SRFBP1: variants seen among roughly 807,000 people sequenced by gnomAD.
SRFBP1 encodes the protein serum response factor binding protein 1, also known as serum response factor-binding protein 1.
A neutral mutation model predicts 45.5 loss-of-function variants in SRFBP1; 47 were observed. That is an observed-to-expected ratio of 1.03 (90% confidence interval 0.82 to 1.32). The LOEUF is 1.32. Among genes scored for constraint, SRFBP1 ranks in the 40% most tolerant of loss-of-function variants. The pLI is 0.00. For synonymous variants in SRFBP1, 203 were observed against 166.3 expected, an observed-to-expected ratio of 1.22 and a Z score of -1.70; for missense variants, 621 against 484.6, an observed-to-expected ratio of 1.28 and a Z score of -2.64.
Position 122,020,737 on chromosome 5 carries a change from T to C in SRFBP1, c.1002T>C (p.Ser334=), listed in dbSNP as rs1257929649. ...CAAGAAATGACAAAATCAAGCCAAG[T>C]ACAGAAACCAGAAAGTTAGAATCAG... ...GDTRNDKIKP[S]TETRKLESVF... Residue 334 remains serine, a synonymous_variant, in exon 6 of 8, where the codon AGT becomes AGC. Coordinates refer to ENST00000339397, the MANE Select transcript of SRFBP1 (RefSeq NM_152546.3). 1 of 1,607,018 alleles carries C rather than the reference T, an allele frequency of 6.2e-7. No individual in the cohort carries two copies. The highest frequency in any genetic ancestry group is 8.5e-7 in the Non-Finnish European group (1 of 1,178,262).
At chr5:122,050,579 A>G (rs1448561408) in intron 2 of SRFBP1, among the ~76,000 whole-genome samples, 1 of 151,732 alleles carries the variant, frequency 6.6e-6, no homozygotes, top group African/African-American at 2.4e-5. Context: ...GTTTGTTTGT[A>G]TTTCTGTGGG....
intron 1 of SRFBP1, among the ~76,000 whole-genome samples, chr5:121,966,153 C>T (rs1320669637): frequency 6.6e-6 from 1 of 152,208 alleles, no homozygotes; most frequent in Non-Finnish European, 1.5e-5. Flanking sequence ...TTGACTTCCT[C>T]TCTTCCTATT....
intron 3 of SRFBP1, among the ~76,000 whole-genome samples, chr5:121,988,322 G>T (rs930387552): frequency 1.3e-5 from 2 of 152,094 alleles, no homozygotes; most frequent in African/African-American, 4.8e-5. Context: ...AGTGGGTCAG[G>T]AGTCCCCAAG....
At chr5:121,984,155 G>A (rs1459460610) in intron 3 of SRFBP1, among the ~76,000 whole-genome samples, 1 of 151,800 alleles carries the variant, frequency 6.6e-6, no homozygotes, top group Non-Finnish European at 1.5e-5. Flanking sequence ...CTAAAGTAGT[G>A]ATTTTATTGG....
At chr5:121,963,501 G>C (rs544348959) in intron 1 of SRFBP1, among the ~76,000 whole-genome samples, 33 of 152,228 alleles carry the variant, frequency 2.2e-4, no homozygotes, top group African/African-American at 7.5e-4. Context: ...GGAAATGACA[G>C]GGGATGAGTC....
intron 3 of SRFBP1, among the ~76,000 whole-genome samples, chr5:121,988,075 A>C (rs967361529): frequency 3.9e-5 from 6 of 152,240 alleles, no homozygotes; most frequent in African/African-American, 1.4e-4. Flanking sequence ...GAATAAGAGA[A>C]CTAGAATAAT....
chr5:122,026,889 C>A, intron 7 of SRFBP1, 53 bp from the exon 8 acceptor site: 1 of 1,199,348 alleles, frequency 8.3e-7, no homozygotes, highest in South Asian at 1.9e-5. Context: ...ATTTACTTCT[C>A]CTATATGCTC....
chr5:122,041,840 C>G lies in SRFBP1; in HGVS notation n.311+19433C>G, dbSNP rs939989630. Among the ~76,000 whole-genome samples, 2 of 152,110 alleles carry G rather than the reference C, an allele frequency of 1.3e-5. 1 individual carries two copies. Among genetic ancestry groups the G allele is most frequent in the Non-Finnish European group, 2.9e-5 (2 of 68,012 alleles). ...AGAATTGCTAGTACCTCCAGTAAAA[C>G]ATACAATAATAGCAATGATATTAGA... On this transcript the variant is annotated intron_variant and non_coding_transcript_variant, in intron 2 of 2. Transcript: ENST00000504881.
At chr5:122,001,570 T>TTTTA (rs1554086211) in intron 4 of SRFBP1, among the ~76,000 whole-genome samples, 1 of 142,878 alleles carries the variant, frequency 7.0e-6, no homozygotes, top group African/African-American at 2.6e-5. Context: ...TTTTTTTTTT[T>TTTTA]TTGAGACGGA....
rs1191444026 is a variant in SRFBP1, at chr5:121,975,440, C to A, written c.198+53C>A. 6 of 1,595,628 alleles carry A rather than the reference C, an allele frequency of 3.8e-6. No homozygotes were observed. The African/African-American group carries it at 8.1e-5, about 21-fold the overall frequency. ...TGTATGTTTCTGAGTATCCTGTTAT[C>A]CTGCATTTTGTTTGTGTGTGGTATT... On this transcript the variant is annotated intron_variant, in intron 3 of 7. Transcript: ENST00000339397.
exon 3 of SRFBP1, chr5:122,075,316 T>C: frequency 8.1e-7 from 1 of 1,240,498 alleles, no homozygotes; most frequent in Non-Finnish European, 1.1e-6. Flanking sequence ...TCCCTTCAGG[T>C]AAGAAATAAG....
rs114324165 is a variant in SRFBP1, at chr5:121,980,182, T to A, written c.198+4795T>A. ...AGCCTTTCTTTTGTGTTTCATAATCTCTAATAATACTGTATTTATACTTTT... is the reference window on the plus strand; with the variant it reads ...AGCCTTTCTTTTGTGTTTCATAATCACTAATAATACTGTATTTATACTTTT... On this transcript the variant is annotated intron_variant, in intron 3 of 7. Transcript: ENST00000339397. 5.0e-3 allele frequency among the ~76,000 whole-genome samples: 762 copies of A among 152,310 alleles called. 10 individuals carry two copies. The highest frequency in any genetic ancestry group is 0.017 in the African/African-American group (719 of 41,576).
intron 2 of SRFBP1, among the ~76,000 whole-genome samples, chr5:122,038,342 A>C (rs1389818642): frequency 2.6e-5 from 4 of 152,178 alleles, no homozygotes; most frequent in Non-Finnish European, 5.9e-5. Flanking sequence ...AGGGCTAAAA[A>C]ACGAGATTCA....
intron 2 of SRFBP1, among the ~76,000 whole-genome samples, chr5:122,033,859 C>T (rs1753632470): frequency 4.2e-5 from 5 of 118,206 alleles, no homozygotes; most frequent in Admixed American, 4.1e-4. Flanking sequence ...AGTCTTGCTT[C>T]ATTGCCCAGG....
chr5:122,009,455 G>T (rs766315631), intron 4 of SRFBP1, among the ~76,000 whole-genome samples: 2 of 151,358 alleles, frequency 1.3e-5, no homozygotes, highest in Admixed American at 6.6e-5. Context: ...CTTTTATTTG[G>T]TATTTTCTTA....
At chr5:121,995,075 A>T (rs1752694275) in intron 4 of SRFBP1, among the ~76,000 whole-genome samples, 1 of 151,692 alleles carries the variant, frequency 6.6e-6, no homozygotes, top group South Asian at 2.1e-4. Context: ...GGAGACTTTA[A>T]CACCCCACTG....
intron 3 of SRFBP1, among the ~76,000 whole-genome samples, chr5:121,992,081 A>G (rs1387119937): frequency 6.6e-6 from 1 of 152,168 alleles, no homozygotes; most frequent in Non-Finnish European, 1.5e-5. Context: ...GTGCTTCTGT[A>G]TCAAATTACG....
chr5:122,035,055 G>C (rs1345294362), intron 2 of SRFBP1, among the ~76,000 whole-genome samples: 1 of 151,518 alleles, frequency 6.6e-6, no homozygotes, highest in Admixed American at 6.6e-5. Flanking sequence ...TTTTGTTGTT[G>C]TTGTTGTTTT....
At chr5:122,069,979 T>G in intron 2 of SRFBP1, 1 of 1,029,340 alleles carries the variant, frequency 9.7e-7, no homozygotes, top group Non-Finnish European at 1.5e-6. Context: ...AACAGATACA[T>G]TCTATGTATA....
Sources: gnomAD v4.1 joint callset for allele counts (sites outside exome capture counted in the v4.1 genomes callset) on GRCh38, gnomAD v4.1.1 for gene constraint, MANE v1.5 for transcripts, NCBI Gene and HGNC (gene_info 2026-07-23, HGNC 2026-07-21) for gene names.